KASH5: variants seen among roughly 807,000 people sequenced by gnomAD.
KASH5 encodes the protein protein KASH5.
Under a neutral mutation model 84.2 loss-of-function variants are expected in KASH5, and 72 were observed. The ratio of observed to expected loss-of-function variants is 0.85; its 90% confidence interval spans 0.71 to 1.04. The LOEUF is 1.04. Among genes scored for constraint, KASH5 ranks in the 50% least tolerant of loss-of-function variants. KASH5 has a pLI of 0.00. For synonymous variants in KASH5, 260 were observed against 279.1 expected (o/e 0.93, Z 0.68); for missense variants, 650 against 701.0 (o/e 0.93, Z 0.82).
Position 49,414,917 on chromosome 19 carries a change from G to A in KASH5, c.1329-34G>A. 3 of 1,604,370 alleles carry A rather than the reference G, an allele frequency of 1.9e-6. No homozygotes were observed. The highest frequency in any genetic ancestry group is 1.1e-5 in the South Asian group (1 of 88,828). ...TAGGCAAAGGGAACCAGGGAGAAGA[G>A]GACGAAGCCAGCAGTGACTTTGTTG... On this transcript the variant is annotated intron_variant, in intron 16 of 19. Transcript: ENST00000447857. The surrounding 1 kb of genome is among the most constrained non-coding windows in gnomAD (Gnocchi z 4.5).
At chr19:49,411,614 C>T (rs1357119802) in intron 15 of KASH5, among the ~76,000 whole-genome samples, 2 of 152,126 alleles carry the variant, frequency 1.3e-5, no homozygotes, top group Non-Finnish European at 2.9e-5. Context: ...CCCTGAGAGA[C>T]AGGCTTGTCA....
intron 5 of KASH5, among the ~76,000 whole-genome samples, chr19:49,396,067 C>A (rs371366731): frequency 4.1e-4 from 63 of 152,146 alleles, no homozygotes; most frequent in African/African-American, 1.5e-3. Flanking sequence ...ATTAGAGAGG[C>A]CTACGAGGCC....
At chr19:49,405,557 G>A (rs1483882462) in intron 9 of KASH5, among the ~76,000 whole-genome samples, 1 of 152,042 alleles carries the variant, frequency 6.6e-6, no homozygotes, top group Non-Finnish European at 1.5e-5. Context: ...GTGGTATTGT[G>A]GTTTTGCTAA....
intron 9 of KASH5, among the ~76,000 whole-genome samples, chr19:49,404,778 C>A (rs909988939): frequency 6.6e-6 from 1 of 152,166 alleles, no homozygotes; most frequent in African/African-American, 2.4e-5. Context: ...ATTAATAGGG[C>A]AACCAGACTT....
At chr19:49,404,776 G>C (rs1173203762) in intron 9 of KASH5, among the ~76,000 whole-genome samples, 1 of 152,050 alleles carries the variant, frequency 6.6e-6, no homozygotes, top group African/African-American at 2.4e-5. Flanking sequence ...CTATTAATAG[G>C]GCAACCAGAC....
Position 49,395,993 on chromosome 19 carries a change from C to A in KASH5, c.400+160C>A, listed in dbSNP as rs146510406. 6.6e-6 allele frequency among the ~76,000 whole-genome samples: 1 copy of A among 152,100 alleles called. No individual in the cohort carries two copies. The highest frequency in any genetic ancestry group is 1.5e-5 in the Non-Finnish European group (1 of 68,030). On this transcript the variant is annotated intron_variant, in intron 5 of 19. Coordinates refer to ENST00000447857, the MANE Select transcript of KASH5 (RefSeq NM_144688.5). The surrounding 1 kb of genome is among the most constrained non-coding windows in gnomAD (Gnocchi z 4.4). ...TTCTAGGTCCTCCGTCCCTTCCTTCCGTGAGCTTTGGGTTTCTTTTCTTCA... is the reference window on the plus strand; with the variant it reads ...TTCTAGGTCCTCCGTCCCTTCCTTCAGTGAGCTTTGGGTTTCTTTTCTTCA...
intron 12 of KASH5, chr19:49,408,158 C>G (rs1046409780): frequency 5.5e-6 from 1 of 181,770 alleles, no homozygotes; most frequent in Non-Finnish European, 1.2e-5. Flanking sequence ...TCGTAATCCA[C>G]CCCTCTTGGC....
At chr19:49,400,225 CAAAAAA>C (rs34052696) in intron 9 of KASH5, among the ~76,000 whole-genome samples, 1 of 81,268 alleles carries the variant, frequency 1.2e-5, no homozygotes, top group South Asian at 4.4e-4. Context: ...GAGAGCCTCT[CAAAAAA>C]AAAAAAAAAA....
chr19:49,408,666 T>A (rs564186966), intron 12 of KASH5, among the ~76,000 whole-genome samples: 1 of 152,314 alleles, frequency 6.6e-6, no homozygotes, highest in African/African-American at 2.4e-5. Context: ...GCCAGGATGG[T>A]CTCGATCTCC....
intron 2 of KASH5, 34 bp from the exon 3 acceptor site, chr19:49,394,442 C>T (rs1264586210): frequency 6.4e-7 from 1 of 1,550,616 alleles, no homozygotes; most frequent in Non-Finnish European, 8.9e-7. Context: ...CCTTATTCTT[C>T]CCACTGGTGA....
chr19:49,409,443 C>G (rs1315325113), intron 14 of KASH5, among the ~76,000 whole-genome samples, 160 bp downstream of exon 14: 1 of 152,184 alleles, frequency 6.6e-6, no homozygotes, highest in African/African-American at 2.4e-5. Context: ...ACCTCGGATC[C>G]TAACCCCAAA....
chr19:49,402,650 C>T (rs539270070), intron 9 of KASH5, among the ~76,000 whole-genome samples: 4 of 152,058 alleles, frequency 2.6e-5, no homozygotes, highest in South Asian at 2.1e-4. Context: ...GAGGTTGCAG[C>T]GAGCTGAGAT....
rs28528725 is a variant in KASH5 at position 49,411,910 on chromosome 19, G to A, written c.1270-1058G>A. Among the ~76,000 whole-genome samples, 13 of 127,832 alleles carry A rather than the reference G, an allele frequency of 1.0e-4. No individual in the cohort carries two copies. In the East Asian group the frequency reaches 2.7e-3, roughly 26 times the overall value. 83.9% of individuals were successfully genotyped at this position (127,832 alleles called of 152,430 possible). On this transcript the variant is annotated intron_variant, in intron 15 of 19. Coordinates refer to ENST00000447857, the MANE Select transcript of KASH5 (RefSeq NM_144688.5). Reference sequence around the variant, plus strand: ...AAGGAAGGATGGAAGGAGGGAGGGAGGGAAGGAGGGAAGGAAGGAAGGAAG... The same window carrying A: ...AAGGAAGGATGGAAGGAGGGAGGGAAGGAAGGAGGGAAGGAAGGAAGGAAG...
intron 16 of KASH5, among the ~76,000 whole-genome samples, chr19:49,413,438 G>A (rs931690351): frequency 4.6e-5 from 7 of 152,334 alleles, no homozygotes; most frequent in Non-Finnish European, 7.3e-5. Flanking sequence ...GATGGAGAAC[G>A]CACTAGATGA....
In KASH5 at chr19:49,394,528, G is replaced by T; in HGVS notation, c.96G>T (p.Leu32Phe). The change falls in exon 3 of 20, where the codon TTG becomes TTT. Residue 32 changes from leucine to phenylalanine, a missense_variant. Physicochemically the swap from Leu to Phe is conservative, Grantham distance 22. Transcript: ENST00000447857. The stretch of plus-strand genomic sequence containing the variant: ...CAAGGCTGGGAATGCCGGTCAGCTT[G>T]GAGGAGCAAATACTCAACTCCACGT... ...EEARLGMPVS[L>F]EEQILNSTFE... 6.2e-7 allele frequency: 1 copy of T among 1,613,828 alleles called. No individual in the cohort carries two copies. The highest frequency in any genetic ancestry group is 8.5e-7 in the Non-Finnish European group (1 of 1,179,872).
intron 1 of KASH5, chr19:49,390,115 G>A (rs1278421419): frequency 1.3e-5 from 2 of 152,518 alleles, no homozygotes; most frequent in African/African-American, 4.8e-5. Flanking sequence ...GGCAAGTCAG[G>A]ATCAAACTCC....
rs1013239426 is a variant in KASH5 at position 49,412,017 on chromosome 19, G to A, written c.1270-951G>A. The stretch of plus-strand genomic sequence containing the variant: ...TGAGGCACTAGCACAGCCTGTGCAA[G>A]GCCTTGGCATAAAATCACGATATGC... On this transcript the variant is annotated intron_variant, in intron 15 of 19. Transcript: ENST00000447857. The surrounding 1 kb of genome is among the most constrained non-coding windows in gnomAD (Gnocchi z 4.6). Among the ~76,000 whole-genome samples, 5 of 152,140 alleles carry A rather than the reference G, an allele frequency of 3.3e-5. No individual in the cohort carries two copies. Among genetic ancestry groups the A allele is most frequent in the African/African-American group, 1.2e-4 (5 of 41,424 alleles).
At position 49,399,057 on chromosome 19, in the gene KASH5, T is replaced by C. The variant is rs1450842608; in HGVS notation, c.662T>C (p.Met221Thr). 4.5e-6 allele frequency: 7 copies of C among 1,551,554 alleles called. No individual in the cohort carries two copies. Among genetic ancestry groups the C allele is most frequent in the Admixed American group, 2.0e-5 (1 of 50,962 alleles). ...CAGGCCCTGCAGTTTGCCAAGGCCA[T>C]GGATGAGGAGCTGGAGGACCTGAAG... is the stretch of plus-strand genomic sequence containing the variant. ...TQQALQFAKA[M>T]DEELEDLKTL... Residue 221 changes from methionine to threonine, a missense_variant, in exon 8 of 20, where the codon ATG becomes ACG. Transcript: ENST00000447857. This position sits in a 1 kb window ranked among gnomAD's most constrained non-coding sequence, Gnocchi z 4.4.
At position 49,395,319 on chromosome 19, in the gene KASH5, C is replaced by T. The variant is rs1446075435; in HGVS notation, c.335+27C>T. On this transcript the variant is annotated intron_variant, in intron 4 of 19. Coordinates refer to ENST00000447857, the MANE Select transcript of KASH5 (RefSeq NM_144688.5). The surrounding 1 kb of genome is among the most constrained non-coding windows in gnomAD (Gnocchi z 4.4). The stretch of plus-strand genomic sequence containing the variant: ...TGAGTCCCCACATCTTCATCCTCCT[C>T]TGGGAAGTCCTTCCTAAGATCTAAC... 6.2e-7 allele frequency: 1 copy of T among 1,604,730 alleles called. No individual in the cohort carries two copies. Among genetic ancestry groups the T allele is most frequent in the East Asian group, 2.2e-5 (1 of 44,826 alleles).
Sources: allele counts gnomAD v4.1 joint callset (sites outside exome capture counted in the v4.1 genomes callset), GRCh38; gene constraint gnomAD v4.1.1; non-coding constraint Gnocchi (gnomAD v3.1); transcripts MANE v1.5; gene names NCBI Gene and HGNC (gene_info 2026-07-23, HGNC 2026-07-21).